PMS2: variants seen among roughly 807,000 people sequenced by gnomAD.
PMS2 encodes mismatch repair endonuclease PMS2.
A neutral mutation model predicts 90.0 loss-of-function variants in PMS2; 69 were observed. The ratio of observed to expected loss-of-function variants is 0.77; its 90% CI spans 0.63 to 0.94. The LOEUF (loss-of-function observed/expected upper bound fraction) is 0.94. Ranked by LOEUF, PMS2 falls within the 40% of genes least tolerant of loss-of-function variation. PMS2 has a pLI of 0.00. For missense variants in PMS2, 966 were observed against 1,040.2 expected, an observed-to-expected ratio of 0.93 and a Z score of 0.98; for synonymous variants, 332 against 375.1, an observed-to-expected ratio of 0.89 and a Z score of 1.33.
At position 5,987,148 on chromosome 7, in the gene PMS2, C is replaced by A. The variant is rs776931237; in HGVS notation, c.1617G>T (p.Ala539=). The A allele has an allele frequency of 3.1e-6, 5 of 1,613,262 alleles. No homozygotes were observed. The highest frequency in any genetic ancestry group is 1.7e-5 in the Admixed American group (1 of 59,972). The part of the protein sequence containing the change: ...SQEHVDSQEK[A]PKTDDSFSDV... ...CTGAAAAAGAGTCGTCAGTTTTAGG[C>A]GCTTTCTCCTGAGAGTCCACATGTT... Residue 539 remains alanine, a synonymous_variant, in exon 11 of 15, where the codon GCG becomes GCT. Coordinates refer to ENST00000265849, the MANE Select transcript of PMS2 (RefSeq NM_000535.7).
intron 1 of PMS2, among the ~76,000 whole-genome samples, chr7:6,006,933 T>C (rs1785843035): frequency 6.6e-6 from 1 of 152,082 alleles, no homozygotes; most frequent in South Asian, 2.1e-4. Context: ...GAGCTATTTT[T>C]GAAATCACAA....
rs587781112 is a variant in PMS2, at chr7:6,009,003, C to G, written c.17G>C (p.Ser6Thr). 2 of 1,612,640 alleles carry G rather than the reference C, an allele frequency of 1.2e-6. No individual in the cohort carries two copies. Among genetic ancestry groups the G allele is most frequent in the South Asian group, 1.1e-5 (1 of 91,028 alleles). The part of the protein sequence containing the change: MERAE[S>T]SSTEPAKAIK... ...GACTGCGAGCCCCGCTCACCTCGAG[C>G]TCTCAGCTCGCTCCATGGATGCAAC... The change falls in exon 1 of 15, where the codon AGC (serine) becomes ACC (threonine). Residue 6 changes from serine to threonine, a missense_variant. Coordinates refer to ENST00000265849, the MANE Select transcript of PMS2 (RefSeq NM_000535.7).
intron 5 of PMS2, 60 bp from the exon 6 acceptor site, chr7:5,999,335 G>A (rs1158379918): frequency 2.7e-6 from 4 of 1,456,988 alleles, no homozygotes; most frequent in African/African-American, 2.8e-5. Context: ...GAATTACACA[G>A]CTCAAGTTAC....
At chr7:5,978,080 C>T (rs1253298630) in intron 13 of PMS2, among the ~76,000 whole-genome samples, 2 of 149,746 alleles carry the variant, frequency 1.3e-5, no homozygotes, top group Admixed American at 6.6e-5. Context: ...AGATCGGCAC[C>T]ACTGCGCTCC....
intron 6 of PMS2, 54 bp downstream of exon 6, chr7:5,999,054 C>T (rs2128798291): frequency 5.2e-6 from 8 of 1,533,166 alleles, no homozygotes; most frequent in Non-Finnish European, 7.2e-6. Context: ...ACAATGGAAA[C>T]CCGCTATAAT....
intron 11 of PMS2, among the ~76,000 whole-genome samples, chr7:5,983,967 A>G (rs1782584521): frequency 6.6e-6 from 1 of 151,828 alleles, no homozygotes; most frequent in Admixed American, 6.6e-5. Flanking sequence ...CATTCTTTTT[A>G]ATGGCCACAT....
At chr7:5,993,910 C>T (rs1784069767) in intron 8 of PMS2, among the ~76,000 whole-genome samples, 2 of 138,722 alleles carry the variant, frequency 1.4e-5, no homozygotes. Context: ...ACCATGTAAT[C>T]AGTCTATACT....
chr7:5,994,252 G>A (rs79159932), intron 8 of PMS2, among the ~76,000 whole-genome samples: 7,767 of 151,576 alleles, frequency 0.051, 505 homozygotes, highest in East Asian at 0.34. Context: ...GTGGTGGCGC[G>A]CGCCTGTAAT....
At chr7:5,996,787 G>A (rs1019961325) in intron 7 of PMS2, among the ~76,000 whole-genome samples, 1 of 151,878 alleles carries the variant, frequency 6.6e-6, no homozygotes, top group African/African-American at 2.4e-5. Flanking sequence ...CCTTAAAGAA[G>A]ACCTGCTCAA....
At chr7:5,995,117 A>C (rs2128771810) in intron 8 of PMS2, among the ~76,000 whole-genome samples, 1 of 152,212 alleles carries the variant, frequency 6.6e-6, no homozygotes, top group Middle Eastern at 3.4e-3. Flanking sequence ...GGCTTACTGC[A>C]AGCTCCATCT....
chr7:6,005,408 T>A (rs1211433744), intron 2 of PMS2, among the ~76,000 whole-genome samples: 2 of 152,124 alleles, frequency 1.3e-5, no homozygotes, highest in Non-Finnish European at 1.5e-5. Context: ...TTTCACCACT[T>A]TGGACAGGCT....
At chr7:5,984,228 C>A (rs889110553) in intron 11 of PMS2, among the ~76,000 whole-genome samples, 1 of 151,796 alleles carries the variant, frequency 6.6e-6, no homozygotes, top group Non-Finnish European at 1.5e-5. Context: ...TCTGCCAATG[C>A]TGGATATCAA....
intron 5 of PMS2, among the ~76,000 whole-genome samples, chr7:6,001,000 A>C (rs2345058): frequency 0.34 from 51,757 of 152,054 alleles, 9,545 homozygotes; most frequent in Non-Finnish European, 0.41. Context: ...TCTAAAAAAA[A>C]AGAAAGTTAA....
intron 5 of PMS2, among the ~76,000 whole-genome samples, chr7:5,999,513 C>A (rs1784863374): frequency 2.0e-5 from 3 of 152,030 alleles, no homozygotes; most frequent in Admixed American, 2.0e-4. Flanking sequence ...CCTGGTAAAA[C>A]AACTAAAAAG....
At chr7:5,982,471 C>T (rs780613079) in intron 12 of PMS2, among the ~76,000 whole-genome samples, 2,548 of 117,760 alleles carry the variant, frequency 0.022, 4 homozygotes, top group African/African-American at 0.038. Context: ...CCCAAAGTGC[C>T]GGGATTATAG....
At position 6,002,641 on chromosome 7, in the gene PMS2, G is replaced by T; in HGVS notation, c.354-5C>A. 1 of 1,609,522 alleles carries T rather than the reference G, an allele frequency of 6.2e-7. No homozygotes were observed. The highest frequency in any genetic ancestry group is 1.7e-5 in the Admixed American group (1 of 60,002). On this transcript the variant is annotated splice_polypyrimidine_tract_variant and splice_region_variant and intron_variant, in intron 4 of 14. Coordinates refer to ENST00000265849, the MANE Select transcript of PMS2 (RefSeq NM_000535.7). ...CAGGTAGAAATGGTGACATCGCTGT[G>T]AGAGAATACCAGGCATGGTGTGTTC...
chr7:6,005,274 G>A (rs150287669), intron 2 of PMS2, among the ~76,000 whole-genome samples: 313 of 152,152 alleles, frequency 2.1e-3, no homozygotes, highest in Non-Finnish European at 3.8e-3. Context: ...GCACGATCTC[G>A]GCTTACTGCA....
intron 9 of PMS2, among the ~76,000 whole-genome samples, chr7:5,990,503 G>A (rs1783620362): frequency 6.6e-6 from 1 of 151,928 alleles, no homozygotes; most frequent in African/African-American, 2.4e-5. Context: ...AATTGTTAAA[G>A]GAAAAGCAAA....
intron 11 of PMS2, among the ~76,000 whole-genome samples, chr7:5,985,264 ATTTTTTTTTTTT>A (rs142453627): frequency 1.7e-5 from 2 of 116,788 alleles, no homozygotes; most frequent in Non-Finnish European, 3.5e-5. Context: ...TACTTAGCTA[ATTTTTTTTTTTT>A]TTTTTTTTTT....
Sources: gnomAD v4.1 joint callset for allele counts (sites outside exome capture counted in the v4.1 genomes callset) on GRCh38, gnomAD v4.1.1 for gene constraint, MANE v1.5 for transcripts, NCBI Gene and HGNC (gene_info 2026-07-23, HGNC 2026-07-21) for gene names.